Variants in SHLD2 observed in about 807,000 individuals in gnomAD.
SHLD2 encodes RINN1-REV7-interacting novel NHEJ regulator 2.
A neutral mutation model predicts 73.2 loss-of-function variants in SHLD2; 30 were observed. The ratio of observed to expected loss-of-function variants is 0.41; its 90% CI spans 0.31 to 0.56. The LOEUF (loss-of-function observed/expected upper bound fraction) is 0.56, where lower values mean the gene tolerates loss of function less well. Among genes scored for constraint, SHLD2 ranks in the 20% least tolerant of loss-of-function variants. The pLI is 0.28. For synonymous variants in SHLD2, 285 were observed against 370.1 expected, an observed-to-expected ratio of 0.77 and a Z score of 2.64; for missense variants, 745 against 1,055.9, an observed-to-expected ratio of 0.71 and a Z score of 4.08.
At chr10:87,132,974 A>G (rs1007386915) in intron 2 of SHLD2, among the ~76,000 whole-genome samples, 1 of 152,050 alleles carries the variant, frequency 6.6e-6, no homozygotes, top group Non-Finnish European at 1.5e-5. Context: ...GAGTACTCAC[A>G]TATTTGTTGA....
chr10:87,165,090 G>A (rs1847105848), intron 4 of SHLD2, among the ~76,000 whole-genome samples: 2 of 152,042 alleles, frequency 1.3e-5, no homozygotes, highest in South Asian at 4.1e-4. Context: ...GGGAGGCTGA[G>A]GTGGGAGGAT....
At chr10:87,163,745 G>C (rs1378170699) in intron 4 of SHLD2, among the ~76,000 whole-genome samples, 1 of 150,392 alleles carries the variant, frequency 6.6e-6, no homozygotes, top group Non-Finnish European at 1.5e-5. Flanking sequence ...AAACGAACCA[G>C]AGGTATTGTT....
chr10:87,178,381 C>T (rs1848085885), intron 7 of SHLD2, among the ~76,000 whole-genome samples: 1 of 151,906 alleles, frequency 6.6e-6, no homozygotes, highest in Non-Finnish European at 1.5e-5. Flanking sequence ...TGCACATCTA[C>T]CCTCTGAATC....
At chr10:87,171,293 T>C (rs954839600) in intron 6 of SHLD2, among the ~76,000 whole-genome samples, 8 of 152,322 alleles carry the variant, frequency 5.3e-5, no homozygotes, top group Non-Finnish European at 8.8e-5. Flanking sequence ...GAGAAGCTTC[T>C]ACAATTTTTT....
intron 8 of SHLD2, among the ~76,000 whole-genome samples, chr10:87,186,736 A>G (rs1269824514): frequency 6.6e-6 from 1 of 152,212 alleles, no homozygotes; most frequent in African/African-American, 2.4e-5. Flanking sequence ...GAAAGAATTC[A>G]GTTGAAAAAA....
At chr10:87,106,078 A>T (rs1453200424) in intron 2 of SHLD2, among the ~76,000 whole-genome samples, 2 of 151,968 alleles carry the variant, frequency 1.3e-5, no homozygotes, top group Non-Finnish European at 2.9e-5. Flanking sequence ...ATCTCGGCTC[A>T]CTGGAACCTC....
chr10:87,140,613 A>C (rs1406658425), intron 2 of SHLD2, among the ~76,000 whole-genome samples: 1 of 151,736 alleles, frequency 6.6e-6, no homozygotes, highest in Non-Finnish European at 1.5e-5. Flanking sequence ...TGATAACCAT[A>C]AACTCTCAGA....
At chr10:87,097,884 C>T (rs1031774753) in intron 2 of SHLD2, among the ~76,000 whole-genome samples, 7 of 151,886 alleles carry the variant, frequency 4.6e-5, no homozygotes, top group African/African-American at 1.5e-4. Context: ...CTCAGCCTCC[C>T]GAGCAGCTGG....
chr10:87,166,620 T>C (rs1847220442), intron 4 of SHLD2, among the ~76,000 whole-genome samples: 1 of 152,208 alleles, frequency 6.6e-6, no homozygotes, highest in South Asian at 2.1e-4. Flanking sequence ...CAGTGGCTCA[T>C]GCCTGTAATG....
At chr10:87,163,273 G>A (rs9421602) in intron 4 of SHLD2, among the ~76,000 whole-genome samples, 2 of 152,192 alleles carry the variant, frequency 1.3e-5, no homozygotes, top group South Asian at 4.2e-4. Flanking sequence ...AAAATACCTC[G>A]GTTTATTTGT....
intron 2 of SHLD2, among the ~76,000 whole-genome samples, chr10:87,139,983 A>G (rs920417551): frequency 6.6e-6 from 1 of 152,244 alleles, no homozygotes; most frequent in Non-Finnish European, 1.5e-5. Context: ...ACCTATTCAC[A>G]TTGAAGCACA....
intron 1 of SHLD2, 24 bp downstream of exon 1, chr10:87,095,272 C>T (rs1295979920): frequency 8.5e-6 from 1 of 117,508 alleles, no homozygotes; most frequent in Non-Finnish European, 1.7e-5. Flanking sequence ...GGGGGTCCCT[C>T]AGGGGGGTTG....
At chr10:87,112,828 T>C (rs891692558) in intron 2 of SHLD2, among the ~76,000 whole-genome samples, 1 of 151,920 alleles carries the variant, frequency 6.6e-6, no homozygotes, top group African/African-American at 2.4e-5. Flanking sequence ...ATACAGATAC[T>C]ATGGGAAACA....
chr10:87,104,461 C>T (rs1022221693), intron 2 of SHLD2, among the ~76,000 whole-genome samples: 12 of 150,418 alleles, frequency 8.0e-5, no homozygotes, highest in South Asian at 2.1e-4. Context: ...GCAGGAGAAT[C>T]GCTTGAACCC....
chr10:87,162,803 T>G (rs1289199323), intron 4 of SHLD2, among the ~76,000 whole-genome samples: 4 of 152,116 alleles, frequency 2.6e-5, no homozygotes, highest in African/African-American at 9.7e-5. Context: ...CCTATCAGAT[T>G]GGCAAAATTA....
chr10:87,167,827 T>C (rs7082853), intron 4 of SHLD2, among the ~76,000 whole-genome samples: 2,855 of 152,158 alleles, frequency 0.019, 86 homozygotes, highest in African/African-American at 0.065. Context: ...GTATTTTTTG[T>C]AGAGACCAGG....
rs1849022263 is a variant in SHLD2, at chr10:87,190,815, A to G, written c.*132A>G. ...TATTTTACAAAGAGAATTGCACTAG[A>G]TATATAAATTAAAACTTTTTTCTAA... is the stretch of plus-strand genomic sequence containing the variant. On this transcript the variant is annotated 3_prime_UTR_variant, in exon 10 of 10. Coordinates refer to ENST00000298786, the MANE Select transcript of SHLD2 (RefSeq NM_001330112.2). 2 of 717,264 alleles carry G rather than the reference A, an allele frequency of 2.8e-6. No individual in the cohort carries two copies. Among genetic ancestry groups the G allele is most frequent in the Admixed American group, 5.8e-5 (2 of 34,410 alleles). The allele number at this position is 717,264 out of a possible 1,614,324, so 44.4% of individuals were successfully genotyped here. A position where few individuals can be genotyped will look rare whatever the true frequency, so the allele number is the denominator to read the frequency against.
intron 4 of SHLD2, among the ~76,000 whole-genome samples, chr10:87,163,936 A>ATTTTCTTTTC (rs375051873): frequency 2.1e-4 from 31 of 145,002 alleles, no homozygotes; most frequent in African/African-American, 6.6e-4. Context: ...ATCTGTAAAC[A>ATTTTCTTTTC]TTTTCTTTTC....
intron 2 of SHLD2, among the ~76,000 whole-genome samples, chr10:87,104,666 T>C (rs558569298): frequency 2.0e-5 from 3 of 150,446 alleles, no homozygotes; most frequent in Admixed American, 2.0e-4. Flanking sequence ...GTAGGATTCT[T>C]TTTTTTTTTC....
Sources: allele counts gnomAD v4.1 joint callset (sites outside exome capture counted in the v4.1 genomes callset), GRCh38; gene constraint gnomAD v4.1.1; transcripts MANE v1.5; gene names NCBI Gene and HGNC (gene_info 2026-07-23, HGNC 2026-07-21).